SH3GLB1: variants seen among roughly 807,000 people sequenced by gnomAD.
SH3GLB1 encodes the protein endophilin-B1.
In SH3GLB1, 17 loss-of-function variants were observed where a neutral mutation model predicts 42.0. That is an observed-to-expected ratio of 0.40 (90% CI 0.28 to 0.61). SH3GLB1 has a LOEUF of 0.61. Ranked by LOEUF, SH3GLB1 falls within the 20% of genes least tolerant of loss-of-function variation. The pLI is 0.36. For synonymous variants in SH3GLB1, 132 were observed against 146.6 expected, an observed-to-expected ratio of 0.90 and a Z score of 0.72; for missense variants, 355 against 426.3, an observed-to-expected ratio of 0.83 and a Z score of 1.47.
rs758689550 is a variant in SH3GLB1 at position 86,742,404 on chromosome 1, A to G, written c.958A>G (p.Asn320Asp). The change falls in exon 8 of 9, where the codon AAC (asparagine) becomes GAC (aspartate). Residue 320 changes from asparagine to aspartate, a missense_variant. By Grantham distance (23) the Asn-to-Asp change is conservative. Coordinates refer to ENST00000370558, the MANE Select transcript of SH3GLB1 (RefSeq NM_016009.5). The stretch of plus-strand genomic sequence containing the variant: ...GGTTCTCTATGATTATGATGCAGCA[A>G]ACAGTACTGAATTATCACTTCTGGC... ...ARVLYDYDAA[N>D]STELSLLADE... 52 of 1,614,100 alleles carry G rather than the reference A, an allele frequency of 3.2e-5. No homozygotes were observed. In the Middle Eastern group the frequency reaches 4.9e-4, roughly 15 times the overall value.
At chr1:86,721,563 C>T (rs1234629161) in intron 3 of SH3GLB1, among the ~76,000 whole-genome samples, 1 of 152,136 alleles carries the variant, frequency 6.6e-6, no homozygotes, top group Non-Finnish European at 1.5e-5. Flanking sequence ...CTTGGGGCTT[C>T]CTTTCTTTCT....
chr1:86,724,914 A>ATATATATATAT (rs1558315388), intron 5 of SH3GLB1, among the ~76,000 whole-genome samples: 12 of 119,930 alleles, frequency 1.0e-4, no homozygotes, highest in Admixed American at 1.7e-4. Flanking sequence ...TATATATATA[A>ATATATATATAT]AATATATAAT....
intron 5 of SH3GLB1, among the ~76,000 whole-genome samples, chr1:86,725,091 CAGT>C (rs1245139220): frequency 6.7e-6 from 1 of 149,408 alleles, no homozygotes; most frequent in Non-Finnish European, 1.5e-5. Context: ...TAAATATCGT[CAGT>C]GGTCGCAAAT....
intron 8 of SH3GLB1, among the ~76,000 whole-genome samples, 198 bp from the exon 9 acceptor site, chr1:86,742,930 C>T (rs964934375): frequency 6.6e-6 from 1 of 152,220 alleles, no homozygotes; most frequent in South Asian, 2.1e-4. Flanking sequence ...TGCTGCACTA[C>T]AGCCTGGGCA....
In SH3GLB1 at chr1:86,715,980, G is replaced by C. The variant is rs1188826218; in HGVS notation, c.214+115G>C. 9 of 1,087,536 alleles carry C rather than the reference G, an allele frequency of 8.3e-6. No individual in the cohort carries two copies. The Admixed American group carries it at 1.6e-4, about 19-fold the overall frequency. 67.4% of individuals were successfully genotyped at this position (1,087,536 alleles called of 1,614,324 possible). A position where few individuals can be genotyped will look rare whatever the true frequency, so the allele number is the denominator to read the frequency against. On this transcript the variant is annotated intron_variant, in intron 2 of 8. Coordinates refer to ENST00000370558, the MANE Select transcript of SH3GLB1 (RefSeq NM_016009.5). ...TAGGATTTTTTTATTGTAGCTTCAAGGTCAGTGGGTTTTTTTGTGTGTGCT... is the reference window on the plus strand; with the variant it reads ...TAGGATTTTTTTATTGTAGCTTCAACGTCAGTGGGTTTTTTTGTGTGTGCT...
chr1:86,704,798 C>T lies in SH3GLB1; in HGVS notation c.-102C>T. ...GGCTGGCGCCGCCTCCCTCCACCTA[C>T]CACGTCTGCCCTCGCCGCTCTAGCC... On this transcript the variant is annotated 5_prime_UTR_variant, in exon 1 of 9. Coordinates refer to ENST00000370558, the MANE Select transcript of SH3GLB1 (RefSeq NM_016009.5). 1.6e-6 allele frequency: 1 copy of T among 634,018 alleles called. No individual in the cohort carries two copies. 39.3% of individuals were successfully genotyped at this position (634,018 alleles called of 1,614,324 possible).
chr1:86,717,623 T>C (rs1452271414), intron 2 of SH3GLB1, among the ~76,000 whole-genome samples: 1 of 152,116 alleles, frequency 6.6e-6, no homozygotes, highest in Non-Finnish European at 1.5e-5. Context: ...GGTTTCTCCA[T>C]GTTGGCCAGG....
intron 4 of SH3GLB1, among the ~76,000 whole-genome samples, chr1:86,723,698 G>A (rs1654996972): frequency 6.6e-6 from 1 of 152,150 alleles, no homozygotes; most frequent in African/African-American, 2.4e-5. Flanking sequence ...CTGTAAGTTT[G>A]AAATTCCATT....
rs1656251883 is a variant in SH3GLB1 at position 86,745,400 on chromosome 1, G to A, written c.*2165G>A. ...GCATCCTGACCTACCAAGTCTATAGGCCTTGCATATCACTGTGCACCAGAG... is the reference window on the plus strand; with the variant it reads ...GCATCCTGACCTACCAAGTCTATAGACCTTGCATATCACTGTGCACCAGAG... On this transcript the variant is annotated 3_prime_UTR_variant, in exon 9 of 9. Transcript: ENST00000370558. 1 of 152,138 alleles carries A rather than the reference G, an allele frequency of 6.6e-6. No homozygotes were observed. Among genetic ancestry groups the A allele is most frequent in the Admixed American group, 6.5e-5 (1 of 15,274 alleles). 9.4% of individuals were successfully genotyped at this position (152,138 alleles called of 1,614,324 possible).
intron 7 of SH3GLB1, 62 bp downstream of exon 7, chr1:86,735,241 C>T: frequency 9.2e-7 from 1 of 1,084,062 alleles, no homozygotes; most frequent in South Asian, 1.3e-5. Context: ...TGAACTAATA[C>T]TAAGGATGAA....
chr1:86,720,568 A>G (rs370430554), intron 3 of SH3GLB1, among the ~76,000 whole-genome samples: 1 of 152,210 alleles, frequency 6.6e-6, no homozygotes, highest in Non-Finnish European at 1.5e-5. Flanking sequence ...TAATTTTCTC[A>G]TAACATGAGA....
At position 86,704,719 on chromosome 1, in the gene SH3GLB1, C is replaced by T. The variant is rs1265100899; in HGVS notation, c.-181C>T. 1.3e-5 allele frequency: 6 copies of T among 469,328 alleles called. No homozygotes were observed. The highest frequency in any genetic ancestry group is 4.0e-5 in the East Asian group (1 of 25,296). The allele number at this position is 469,328 out of a possible 1,614,324, so 29.1% of individuals were successfully genotyped here. On this transcript the variant is annotated 5_prime_UTR_variant, in exon 1 of 9. Coordinates refer to ENST00000370558, the MANE Select transcript of SH3GLB1 (RefSeq NM_016009.5). ...GCTGCCGCCGCGCGCTTGTTCTCCT[C>T]CCTCGCCCCGCCTTCATCCTCCCCG...
intron 5 of SH3GLB1, among the ~76,000 whole-genome samples, chr1:86,724,892 A>AAAAAAAAAAATATATATATATATATAT: frequency 1.0e-5 from 1 of 99,670 alleles, no homozygotes; most frequent in East Asian, 2.8e-4. Flanking sequence ...AAAAAAAAAA[A>AAAAAAAAAAATATATATATATATATAT]ATATATATAT....
At chr1:86,715,002 T>C (rs1374870439) in intron 1 of SH3GLB1, among the ~76,000 whole-genome samples, 1 of 152,224 alleles carries the variant, frequency 6.6e-6, no homozygotes, top group African/African-American at 2.4e-5. Flanking sequence ...CTTTAAAAGA[T>C]GTCTTCATAG....
chr1:86,714,260 G>T (rs2101922854), intron 1 of SH3GLB1, among the ~76,000 whole-genome samples: 1 of 152,254 alleles, frequency 6.6e-6, no homozygotes, highest in South Asian at 2.1e-4. Flanking sequence ...AATCTTCAGG[G>T]ATCTGTAAAG....
Position 86,704,849 on chromosome 1 carries a change from C to G in SH3GLB1, c.-51C>G, listed in dbSNP as rs774306534. ...CTGCGCCCCAGCCCGGCCGCGGCAC[C>G]TCCGCCTCGCCGCCGCTAGGTCGGC... is the stretch of plus-strand genomic sequence containing the variant. On this transcript the variant is annotated 5_prime_UTR_variant, in exon 1 of 9. Coordinates refer to ENST00000370558, the MANE Select transcript of SH3GLB1 (RefSeq NM_016009.5). 2 of 1,372,790 alleles carry G rather than the reference C, an allele frequency of 1.5e-6. No individual in the cohort carries two copies. The highest frequency in any genetic ancestry group is 2.0e-6 in the Non-Finnish European group (2 of 1,004,392). The allele number at this position is 1,372,790 out of a possible 1,614,324, so 85.0% of individuals were successfully genotyped here.
intron 5 of SH3GLB1, among the ~76,000 whole-genome samples, chr1:86,726,339 C>T (rs1655193535): frequency 6.6e-6 from 1 of 151,952 alleles, no homozygotes; most frequent in Non-Finnish European, 1.5e-5. Context: ...TGTACAAAGT[C>T]CTTTAATATT....
chr1:86,747,886 A>G lies in SH3GLB1; in HGVS notation c.*4651A>G, dbSNP rs1470363078. ...AGCCCTGTTGGCAAAAAGAAAAAAG[A>G]TTCAGTGAGAAAGAAAAATCACTGA... is the stretch of plus-strand genomic sequence containing the variant. On this transcript the variant is annotated 3_prime_UTR_variant, in exon 9 of 9. Coordinates refer to ENST00000370558, the MANE Select transcript of SH3GLB1 (RefSeq NM_016009.5). 1 of 152,248 alleles carries G rather than the reference A, an allele frequency of 6.6e-6. No homozygotes were observed. The highest frequency in any genetic ancestry group is 2.4e-5 in the African/African-American group (1 of 41,470). 9.4% of individuals were successfully genotyped at this position (152,248 alleles called of 1,614,324 possible). A position where few individuals can be genotyped will look rare whatever the true frequency, so the allele number is the denominator to read the frequency against.
intron 3 of SH3GLB1, among the ~76,000 whole-genome samples, chr1:86,722,276 C>G (rs1654910218): frequency 6.6e-6 from 1 of 151,642 alleles, no homozygotes. Flanking sequence ...GGTATATTTG[C>G]CCTCTTTAGT....
Sources: allele counts gnomAD v4.1 joint callset (sites outside exome capture counted in the v4.1 genomes callset), GRCh38; gene constraint gnomAD v4.1.1; transcripts MANE v1.5; gene names NCBI Gene and HGNC (gene_info 2026-07-23, HGNC 2026-07-21).